The following SORL1 variants were observed in gnomAD, a reference collection of about 807,000 sequenced individuals.
SORL1 encodes sortilin-related receptor.
SORL1 carries 127 observed loss-of-function variants against 273.7 expected under a neutral mutation model. The ratio of observed to expected loss-of-function variants is 0.46; its 90% CI spans 0.40 to 0.54. The LOEUF (loss-of-function observed/expected upper bound fraction) is 0.54, where lower values mean the gene tolerates loss of function less well. SORL1 is among the 20% of genes least tolerant of loss of function. The pLI, the probability that SORL1 is intolerant of heterozygous loss-of-function variation, is 0.00. For synonymous variants in SORL1, 1,031 were observed against 1,067.4 expected (o/e 0.97, Z 0.66); for missense variants, 2,494 against 2,846.1 (o/e 0.88, Z 2.81).
intron 43 of SORL1, among the ~76,000 whole-genome samples, chr11:121,620,274 C>T (rs1863704679): frequency 6.6e-6 from 1 of 152,130 alleles, no homozygotes; most frequent in Non-Finnish European, 1.5e-5. Flanking sequence ...CCAAGTCATG[C>T]CTATTTGTTT....
chr11:121,621,233 C>T lies in SORL1; in HGVS notation c.6059C>T (p.Thr2020Ile), dbSNP rs1355844695. The T allele has an allele frequency of 6.2e-7, 1 of 1,613,590 alleles. No homozygotes were observed. The highest frequency in any genetic ancestry group is 8.5e-7 in the Non-Finnish European group (1 of 1,179,732). ...AGCAAAGATTCCAGCATAAAAATTA[C>T]CACAGGTAAGCAGGAGAGAGGTTAG... is the stretch of plus-strand genomic sequence containing the variant. ...NMSKDSSIKI[T>I]TVSLSAPDAL... Residue 2020 changes from threonine to isoleucine, a missense_variant, in exon 44 of 48, where the codon ACC becomes ATC. Thr to Ile is a moderately conservative substitution (Grantham distance 89). Around this residue, in one of 3 missense-constraint regions of SORL1, gnomAD observed 1,609 missense variants for 1,816.4 expected, o/e 0.89. Transcript: ENST00000260197.
Position 121,567,038 on chromosome 11 carries a change from G to A in SORL1, c.3148G>A (p.Val1050Met). ...GTGTCCAGAGGATGTGTCCAGCAGTGTGCTTCCATCAGGGGACCTGATGTG... is the reference window on the plus strand; with the variant it reads ...GTGTCCAGAGGATGTGTCCAGCAGTATGCTTCCATCAGGGGACCTGATGTG... ...CRCPEDVSSS[V>M]LPSGDLMCDC... The change falls in exon 22 of 48, where the codon GTG (valine) becomes ATG (methionine). Residue 1050 changes from valine to methionine, a missense_variant. Val to Met is a conservative substitution (Grantham distance 21). Coordinates refer to ENST00000260197, the MANE Select transcript of SORL1 (RefSeq NM_003105.6). 6.2e-7 allele frequency: 1 copy of A among 1,614,208 alleles called. No homozygotes were observed. Among genetic ancestry groups the A allele is most frequent in the Non-Finnish European group, 8.5e-7 (1 of 1,180,010 alleles).
Position 121,605,220 on chromosome 11 carries a change from G to T in SORL1, c.4759G>T (p.Val1587Leu). The change falls in exon 34 of 48, where the codon GTA (valine) becomes TTA (leucine). Residue 1587 changes from valine (V) to leucine (L), a missense_variant. Around this residue, in one of 3 missense-constraint regions of SORL1, gnomAD observed 1,609 missense variants for 1,816.4 expected, o/e 0.89. Coordinates refer to ENST00000260197, the MANE Select transcript of SORL1 (RefSeq NM_003105.6). ...CAAAAAAATGCCCTCTGCTTCTTGT[G>T]TATATAATGTCTACTACAGGTAGGT... Reference protein sequence around the residue: ...RPKKMPSASCVYNVYYRVVGE... With the variant: ...RPKKMPSASCLYNVYYRVVGE... 6.2e-7 allele frequency: 1 copy of T among 1,613,020 alleles called. No individual in the cohort carries two copies. Among genetic ancestry groups the T allele is most frequent in the Admixed American group, 1.7e-5 (1 of 59,700 alleles).
At chr11:121,530,430 T>C (rs1327305758) in intron 11 of SORL1, among the ~76,000 whole-genome samples, 3 of 152,234 alleles carry the variant, frequency 2.0e-5, no homozygotes, top group Non-Finnish European at 4.4e-5. Context: ...AATTCTGGGT[T>C]GACAGTAATT....
chr11:121,536,475 A>G (rs1217554564), intron 12 of SORL1, among the ~76,000 whole-genome samples: 2 of 134,384 alleles, frequency 1.5e-5, no homozygotes, highest in African/African-American at 5.7e-5. Context: ...ATCTCGGCTC[A>G]CTGCAACCTC....
chr11:121,629,107 A>G (rs1227730302), intron 47 of SORL1: 2 of 185,288 alleles, frequency 1.1e-5, no homozygotes, highest in Non-Finnish European at 2.3e-5. Flanking sequence ...TCCTCAGAGC[A>G]CTTTGGGTTC....
At chr11:121,478,611 T>C (rs1403476825) in intron 3 of SORL1, among the ~76,000 whole-genome samples, 2 of 152,162 alleles carry the variant, frequency 1.3e-5, no homozygotes, top group African/African-American at 2.4e-5. Context: ...ACTATCAGTG[T>C]GTCTGCTTGC....
intron 6 of SORL1, among the ~76,000 whole-genome samples, chr11:121,499,881 ACT>A (rs1861686900): frequency 6.6e-6 from 1 of 151,910 alleles, no homozygotes; most frequent in Admixed American, 6.6e-5. Context: ...TGCATGATTA[ACT>A]CTTTTGCTTC....
rs1863289756 is a variant in SORL1 at position 121,595,941 on chromosome 11, A to G, written c.4519+169A>G. Reference sequence around the variant, plus strand: ...CAAGCGCTTTGCCACGTGCACCCATACCATTGCGTTAGTCACCTTCTTTTT... The same window carrying G: ...CAAGCGCTTTGCCACGTGCACCCATGCCATTGCGTTAGTCACCTTCTTTTT... On this transcript the variant is annotated intron_variant, in intron 32 of 47. Coordinates refer to ENST00000260197, the MANE Select transcript of SORL1 (RefSeq NM_003105.6). This position sits in a 1 kb window ranked among gnomAD's most constrained non-coding sequence, Gnocchi z 5.1. 6.6e-6 allele frequency among the ~76,000 whole-genome samples: 1 copy of G among 152,202 alleles called. No individual in the cohort carries two copies. Among genetic ancestry groups the G allele is most frequent in the Non-Finnish European group, 1.5e-5 (1 of 68,034 alleles).
chr11:121,504,006 A>G (rs1861751943), intron 6 of SORL1, among the ~76,000 whole-genome samples: 2 of 152,200 alleles, frequency 1.3e-5, no homozygotes, highest in African/African-American at 4.8e-5. Flanking sequence ...TTAATATATC[A>G]TGCCTTCCAA....
At chr11:121,537,636 G>A (rs894178249) in intron 12 of SORL1, among the ~76,000 whole-genome samples, 13 of 152,256 alleles carry the variant, frequency 8.5e-5, no homozygotes, top group Middle Eastern at 3.4e-3. Flanking sequence ...AATTTTCTCC[G>A]TGCCATCTGT....
chr11:121,477,499 T>C (rs756856929), intron 2 of SORL1, among the ~76,000 whole-genome samples: 6 of 152,230 alleles, frequency 3.9e-5, no homozygotes, highest in Non-Finnish European at 5.9e-5. Context: ...GTGAGGAGGT[T>C]ATTACTGTTT....
At chr11:121,576,743 T>C (rs1283277942) in intron 24 of SORL1, 1 of 1,456,234 alleles carries the variant, frequency 6.9e-7, no homozygotes, top group South Asian at 1.4e-5. Context: ...TCCACCCGTG[T>C]CCCTGGAGCT....
At chr11:121,513,578 G>A (rs1437055149) in intron 7 of SORL1, among the ~76,000 whole-genome samples, 2 of 152,188 alleles carry the variant, frequency 1.3e-5, no homozygotes, top group Non-Finnish European at 2.9e-5. Context: ...TTTATAACAT[G>A]AAGATGGATA....
intron 33 of SORL1, 103 bp downstream of exon 33, chr11:121,604,427 T>C: frequency 2.2e-6 from 3 of 1,395,004 alleles, no homozygotes; most frequent in African/African-American, 2.9e-5. Context: ...CCTTTTGAAC[T>C]GTTGCTCAAT....
chr11:121,614,636 C>T (rs1241252194), intron 40 of SORL1: 3 of 439,660 alleles, frequency 6.8e-6, no homozygotes, highest in South Asian at 2.9e-5. Context: ...CAACTCCTAT[C>T]CGCGGATGGG....
In SORL1 at chr11:121,483,978, G is replaced by A. The variant is rs540891265; in HGVS notation, c.529-4054G>A. Reference sequence around the variant, plus strand: ...AGGAGCCCTCAAGCAGGAGAAGGGCGTCAGCAGAGACTGCAAAGTGCCAAA... The same window carrying A: ...AGGAGCCCTCAAGCAGGAGAAGGGCATCAGCAGAGACTGCAAAGTGCCAAA... On this transcript the variant is annotated intron_variant, in intron 3 of 47. Transcript: ENST00000260197. Among the ~76,000 whole-genome samples, 209 of 152,174 alleles carry A rather than the reference G, an allele frequency of 1.4e-3. 1 individual carries two copies. Among genetic ancestry groups the A allele is most frequent in the Admixed American group, 3.2e-3 (49 of 15,278 alleles).
At chr11:121,464,532 C>A (rs1274434638) in intron 1 of SORL1, among the ~76,000 whole-genome samples, 1 of 152,168 alleles carries the variant, frequency 6.6e-6, no homozygotes, top group Non-Finnish European at 1.5e-5. Flanking sequence ...TATAACAACC[C>A]AGAACTTGAG....
intron 36 of SORL1, 109 bp from the exon 37 acceptor site, chr11:121,607,077 A>G: frequency 1.0e-6 from 1 of 1,004,576 alleles, no homozygotes; most frequent in Non-Finnish European, 1.6e-6. Flanking sequence ...CATCCGTCAG[A>G]ACATTTTGCT....
Sources: allele counts gnomAD v4.1 joint callset (sites outside exome capture counted in the v4.1 genomes callset), GRCh38; gene constraint gnomAD v4.1.1; regional missense constraint gnomAD v4.1.1; non-coding constraint Gnocchi (gnomAD v3.1); transcripts MANE v1.5; gene names NCBI Gene and HGNC (gene_info 2026-07-23, HGNC 2026-07-21).